EYA2: variants seen among roughly 807,000 people sequenced by gnomAD.
The protein encoded by EYA2 is EYA transcriptional coactivator and phosphatase 2.
EYA2 carries 31 observed loss-of-function variants against 69.2 expected under a neutral mutation model. The ratio of observed to expected loss-of-function variants is 0.45; its 90% CI spans 0.34 to 0.60. The LOEUF (loss-of-function observed/expected upper bound fraction) is 0.60. Ranked by LOEUF, EYA2 falls within the 20% of genes least tolerant of loss-of-function variation. The pLI is 0.02. For missense variants in EYA2, 622 were observed against 701.2 expected (o/e 0.89, Z 1.28); for synonymous variants, 257 against 279.4 (o/e 0.92, Z 0.80).
At chr20:47,107,019 G>A (rs1257479205) in intron 9 of EYA2, among the ~76,000 whole-genome samples, 3 of 152,094 alleles carry the variant, frequency 2.0e-5, no homozygotes, top group African/African-American at 7.2e-5. Flanking sequence ...ACAAACCCGT[G>A]AATCAACCCA....
In EYA2 at chr20:47,016,948, C is replaced by T. The variant is rs1362414203; in HGVS notation, c.415+651C>T. On this transcript the variant is annotated intron_variant, in intron 5 of 15. Coordinates refer to ENST00000327619, the MANE Select transcript of EYA2 (RefSeq NM_005244.5). ...GTCTATTGTAGAGACTCAGAAATGTCGGGTGGTGGAAATATTGGACAGTCG... is the reference window on the plus strand; with the variant it reads ...GTCTATTGTAGAGACTCAGAAATGTTGGGTGGTGGAAATATTGGACAGTCG... Among the ~76,000 whole-genome samples the T allele has an allele frequency of 3.9e-5, 6 of 152,236 alleles. No individual in the cohort carries two copies. In the East Asian group the frequency reaches 5.8e-4, roughly 15 times the overall value.
chr20:47,030,207 G>A (rs1446739772), intron 5 of EYA2, among the ~76,000 whole-genome samples: 1 of 152,160 alleles, frequency 6.6e-6, no homozygotes, highest in Non-Finnish European at 1.5e-5. Context: ...GTGGGACCTG[G>A]GAATGGTCTT....
At chr20:47,110,629 G>T (rs947014) in intron 9 of EYA2, among the ~76,000 whole-genome samples, 1 of 152,018 alleles carries the variant, frequency 6.6e-6, no homozygotes, top group African/African-American at 2.4e-5. Context: ...CTCTTAGCTC[G>T]TGGAGCACAG....
Position 47,031,867 on chromosome 20 carries a change from C to G in EYA2, c.415+15570C>G, listed in dbSNP as rs577961692. 3.9e-5 allele frequency among the ~76,000 whole-genome samples: 6 copies of G among 152,154 alleles called. No individual in the cohort carries two copies. The South Asian group carries it at 1.2e-3, about 32-fold the overall frequency. On this transcript the variant is annotated intron_variant, in intron 5 of 15. Transcript: ENST00000327619. Reference sequence around the variant, plus strand: ...ATGAGAAAAAGGAAAAAAAATGCACCAAATTTTAAAAACCAGTACAAACAC... The same window carrying G: ...ATGAGAAAAAGGAAAAAAAATGCACGAAATTTTAAAAACCAGTACAAACAC...
chr20:46,978,431 G>T, intron 1 of EYA2: 1 of 382,224 alleles, frequency 2.6e-6, no homozygotes. Context: ...GGCCTCTGCA[G>T]GGTGAGCAGG....
At chr20:47,098,808 G>GA (rs2032337934) in intron 9 of EYA2, among the ~76,000 whole-genome samples, 1 of 152,160 alleles carries the variant, frequency 6.6e-6, no homozygotes. Context: ...CTCTCCAGCC[G>GA]AAAAATCTTC....
chr20:46,980,892 A>T (rs1980792238), intron 1 of EYA2, among the ~76,000 whole-genome samples: 1 of 152,170 alleles, frequency 6.6e-6, no homozygotes, highest in African/African-American at 2.4e-5. Context: ...CACTTAACAT[A>T]ACGACCTCCA....
At position 47,188,421 on chromosome 20, in the gene EYA2, AT is replaced by A; in HGVS notation, c.*291del. ...ACAGAACAAAAGCAAGGAATTGCTG[AT>A]TTGGGGGGTGCCTGGTGATGAGGAG... On this transcript the variant is annotated 3_prime_UTR_variant, in exon 16 of 16. Transcript: ENST00000327619. 1.8e-6 allele frequency: 1 copy of A among 552,340 alleles called. No homozygotes were observed. The highest frequency in any genetic ancestry group is 3.2e-6 in the Non-Finnish European group (1 of 311,256). The allele number at this position is 552,340 out of a possible 1,614,324, so 34.2% of individuals were successfully genotyped here. A position where few individuals can be genotyped will look rare whatever the true frequency, so the allele number is the denominator to read the frequency against.
intron 1 of EYA2, among the ~76,000 whole-genome samples, chr20:46,964,500 T>C (rs1262292848): frequency 6.6e-6 from 1 of 152,176 alleles, no homozygotes; most frequent in Non-Finnish European, 1.5e-5. Flanking sequence ...CCTGGGAGGT[T>C]GAAAGGCAAC....
At chr20:46,920,234 T>TAAA (rs11472988) in intron 1 of EYA2, among the ~76,000 whole-genome samples, 3,319 of 149,372 alleles carry the variant, frequency 0.022, 123 homozygotes, top group African/African-American at 0.076. Flanking sequence ...TTAATTTGTT[T>TAAA]AAAAAAAAAA....
In EYA2 at chr20:47,188,251, G is replaced by T. The variant is rs930511755; in HGVS notation, c.*118G>T. 1.1e-6 allele frequency: 1 copy of T among 882,810 alleles called. No homozygotes were observed. The allele number at this position is 882,810 out of a possible 1,614,324, so 54.7% of individuals were successfully genotyped here. A position where few individuals can be genotyped will look rare whatever the true frequency, so the allele number is the denominator to read the frequency against. Reference sequence around the variant, plus strand: ...GACACCAGGAAGGGGCCCCACAGCCGAGACGACGTGTCCAGTGACCATCTC... The same window carrying T: ...GACACCAGGAAGGGGCCCCACAGCCTAGACGACGTGTCCAGTGACCATCTC... On this transcript the variant is annotated 3_prime_UTR_variant, in exon 16 of 16. Transcript: ENST00000327619.
chr20:46,906,000 G>A (rs1465319259), intron 1 of EYA2, among the ~76,000 whole-genome samples: 1 of 152,162 alleles, frequency 6.6e-6, no homozygotes, highest in Non-Finnish European at 1.5e-5. Flanking sequence ...AGTCTCTGAA[G>A]GGCAGACTTC....
chr20:46,950,905 T>C (rs1408133154), intron 1 of EYA2, among the ~76,000 whole-genome samples: 7 of 151,840 alleles, frequency 4.6e-5, no homozygotes, highest in African/African-American at 1.2e-4. Flanking sequence ...TAACAGAGGG[T>C]GTGTGATCCA....
chr20:47,109,558 T>C (rs371916581), intron 9 of EYA2, among the ~76,000 whole-genome samples: 69 of 152,330 alleles, frequency 4.5e-4, no homozygotes, highest in African/African-American at 1.6e-3. Flanking sequence ...TTTCACTTAT[T>C]TATTTCTGAG....
chr20:47,088,722 G>T (rs142368934), intron 7 of EYA2, among the ~76,000 whole-genome samples: 3 of 152,284 alleles, frequency 2.0e-5, no homozygotes, highest in African/African-American at 4.8e-5. Flanking sequence ...GAGTAGCTGG[G>T]ACTATAGGCA....
At chr20:47,111,320 C>CA (rs5841674) in intron 9 of EYA2, among the ~76,000 whole-genome samples, 100,143 of 152,048 alleles carry the variant, frequency 0.66, 33,231 homozygotes, top group African/African-American at 0.68. Flanking sequence ...AGCTACAAAA[C>CA]AATCACCCCA....
intron 7 of EYA2, 26 bp downstream of exon 7, chr20:47,074,361 T>C (rs747603278): frequency 1.2e-6 from 2 of 1,610,300 alleles, no homozygotes. Context: ...GGTGGGGCCA[T>C]TCATGGCTGT....
intron 1 of EYA2, among the ~76,000 whole-genome samples, chr20:46,973,202 T>A (rs1980243616): frequency 1.3e-5 from 2 of 152,084 alleles, no homozygotes; most frequent in Non-Finnish European, 1.5e-5. Flanking sequence ...TCAAGCTAAT[T>A]TATGGGAAAT....
intron 1 of EYA2, among the ~76,000 whole-genome samples, chr20:46,915,531 T>TAC (rs937901673): frequency 4.6e-5 from 7 of 152,326 alleles, no homozygotes; most frequent in African/African-American, 1.7e-4. Context: ...GCCTTGGTGA[T>TAC]ACCCCCAGAT....
Sources: gnomAD v4.1 joint callset for allele counts (sites outside exome capture counted in the v4.1 genomes callset) on GRCh38, gnomAD v4.1.1 for gene constraint, MANE v1.5 for transcripts, NCBI Gene and HGNC (gene_info 2026-07-23, HGNC 2026-07-21) for gene names.